RPH3A: variants seen among roughly 807,000 people sequenced by gnomAD.
RPH3A encodes rabphilin 3A.
A neutral mutation model predicts 102.2 loss-of-function variants in RPH3A; 48 were observed. That is an observed-to-expected ratio of 0.47 (90% confidence interval 0.37 to 0.60). RPH3A has a LOEUF of 0.60. Among genes scored for constraint, RPH3A ranks in the 20% least tolerant of loss-of-function variants. RPH3A has a pLI of 0.00. For missense variants in RPH3A, 781 were observed against 910.1 expected (o/e 0.86, Z 1.83); for synonymous variants, 310 against 324.3 (o/e 0.96, Z 0.47).
intron 1 of RPH3A, among the ~76,000 whole-genome samples, chr12:112,743,779 G>A (rs1189058523): frequency 2.0e-5 from 3 of 152,198 alleles, no homozygotes; most frequent in Non-Finnish European, 4.4e-5. Flanking sequence ...TGATGTTCCA[G>A]TAAGAGGAGG....
intron 1 of RPH3A, among the ~76,000 whole-genome samples, chr12:112,587,857 G>A (rs11614063): frequency 0.23 from 34,324 of 152,016 alleles, 5,318 homozygotes; most frequent in African/African-American, 0.42. Flanking sequence ...TAAGACAATG[G>A]ATATAATCAC....
At chr12:112,734,586 T>C (rs1163770417) in intron 1 of RPH3A, among the ~76,000 whole-genome samples, 1 of 152,188 alleles carries the variant, frequency 6.6e-6, no homozygotes, top group East Asian at 1.9e-4. Flanking sequence ...GAGTAAAGAA[T>C]GGCTACTCCA....
chr12:112,709,692 A>G (rs1351158667), intron 1 of RPH3A, among the ~76,000 whole-genome samples: 1 of 152,204 alleles, frequency 6.6e-6, no homozygotes, highest in African/African-American at 2.4e-5. Flanking sequence ...GGTCTGGGAC[A>G]TCTGAAAAAA....
intron 1 of RPH3A, among the ~76,000 whole-genome samples, chr12:112,772,800 T>C (rs889720165): frequency 1.3e-4 from 20 of 152,068 alleles, no homozygotes; most frequent in African/African-American, 4.8e-4. Context: ...GTACGTTCTT[T>C]AGTGGTGATT....
At chr12:112,770,190 C>T (rs1284842225) in intron 1 of RPH3A, among the ~76,000 whole-genome samples, 3 of 152,006 alleles carry the variant, frequency 2.0e-5, no homozygotes, top group African/African-American at 7.3e-5. Context: ...TCAGTTTTTC[C>T]CTATTACAGA....
At chr12:112,768,846 C>T (rs989713603) in intron 1 of RPH3A, among the ~76,000 whole-genome samples, 7 of 152,052 alleles carry the variant, frequency 4.6e-5, no homozygotes, top group African/African-American at 1.7e-4. Context: ...CAGGGATTTG[C>T]GGCTGCAGTG....
intron 1 of RPH3A, among the ~76,000 whole-genome samples, chr12:112,672,668 A>G (rs759907685): frequency 1.3e-5 from 2 of 152,180 alleles, no homozygotes; most frequent in Non-Finnish European, 2.9e-5. Flanking sequence ...TCCTGGGGGC[A>G]TGCTCACTTG....
intron 1 of RPH3A, among the ~76,000 whole-genome samples, chr12:112,778,687 C>T (rs2040985651): frequency 6.6e-6 from 1 of 152,108 alleles, no homozygotes. Context: ...TTTGCATAGG[C>T]GTCAACTTCA....
chr12:112,886,787 G>T (rs1391289016), intron 16 of RPH3A, among the ~76,000 whole-genome samples: 4 of 152,156 alleles, frequency 2.6e-5, no homozygotes, highest in African/African-American at 9.7e-5. Flanking sequence ...ATCTTTCTGG[G>T]CCCCAGTATC....
rs898337102 is a variant in RPH3A at position 112,836,662 on chromosome 12, C to T, written c.83+160C>T. Reference sequence around the variant, plus strand: ...GCTAAGTTAAAAAAAACACCCACACCCATCTTAGGAAAAAATATTTATAAA... The same window carrying T: ...GCTAAGTTAAAAAAAACACCCACACTCATCTTAGGAAAAAATATTTATAAA... On this transcript the variant is annotated intron_variant, in intron 4 of 21. Coordinates refer to ENST00000389385, the MANE Select transcript of RPH3A (RefSeq NM_001143854.2). Among the ~76,000 whole-genome samples, 11 of 151,704 alleles carry T rather than the reference C, an allele frequency of 7.3e-5. No individual in the cohort carries two copies. In the East Asian group the frequency reaches 1.9e-3, roughly 27 times the overall value.
upstream of RPH3A, among the ~76,000 whole-genome samples, chr12:112,790,196 A>G (rs1456976848): frequency 1.3e-5 from 2 of 151,812 alleles, no homozygotes; most frequent in South Asian, 2.1e-4. Context: ...AGCTGGGATT[A>G]CAGGTGCACA....
chr12:112,762,874 A>C (rs1016078586), intron 1 of RPH3A, among the ~76,000 whole-genome samples: 2 of 152,314 alleles, frequency 1.3e-5, no homozygotes, highest in Non-Finnish European at 2.9e-5. Context: ...TCATGTGCTC[A>C]TCCTCCATCC....
At chr12:112,891,954 T>C (rs1161820557) in intron 19 of RPH3A, among the ~76,000 whole-genome samples, 1 of 152,198 alleles carries the variant, frequency 6.6e-6, no homozygotes, top group African/African-American at 2.4e-5. Flanking sequence ...TCTAAGCAAG[T>C]TATTTAGCTT....
rs558656549 is a variant in RPH3A at position 112,877,923 on chromosome 12, G to A, written c.1171+1057G>A. The stretch of plus-strand genomic sequence containing the variant: ...CATTTGCCTATTTAATCTTCCCTAC[G>A]AACCTGGGCATAGTTGCTTTTATAA... On this transcript the variant is annotated intron_variant, in intron 13 of 21. Transcript: ENST00000389385. 5.3e-5 allele frequency among the ~76,000 whole-genome samples: 8 copies of A among 152,262 alleles called. No individual in the cohort carries two copies. The South Asian group carries it at 1.0e-3, about 20-fold the overall frequency.
At position 112,849,309 on chromosome 12, in the gene RPH3A, G is replaced by A. The variant is rs112721616; in HGVS notation, c.230+1467G>A. The stretch of plus-strand genomic sequence containing the variant: ...TCTGTCAGCCTCCTCGGGTGGTCAC[G>A]GAGGGGATAGGTCTGAGAGGCTTGC... On this transcript the variant is annotated intron_variant, in intron 5 of 21. Coordinates refer to ENST00000389385, the MANE Select transcript of RPH3A (RefSeq NM_001143854.2). Among the ~76,000 whole-genome samples the A allele has an allele frequency of 4.3e-3, 655 of 152,236 alleles. 4 individuals carry two copies. Among genetic ancestry groups the A allele is most frequent in the African/African-American group, 0.015 (629 of 41,544 alleles).
intron 2 of RPH3A, among the ~76,000 whole-genome samples, chr12:112,816,445 C>G (rs2041672682): frequency 6.6e-6 from 1 of 152,188 alleles, no homozygotes; most frequent in Non-Finnish European, 1.5e-5. Flanking sequence ...CAGGGGATGT[C>G]TTCAGAGCTG....
At chr12:112,610,890 C>A (rs559578695) in intron 1 of RPH3A, among the ~76,000 whole-genome samples, 31 of 152,298 alleles carry the variant, frequency 2.0e-4, no homozygotes, top group African/African-American at 7.5e-4. Flanking sequence ...CCCACCTTGG[C>A]CTCCCAAACT....
chr12:112,763,851 G>T (rs1176168472), intron 1 of RPH3A, among the ~76,000 whole-genome samples: 1 of 152,142 alleles, frequency 6.6e-6, no homozygotes, highest in African/African-American at 2.4e-5. Flanking sequence ...GGTGGTTGAG[G>T]GGCTTCGGAT....
chr12:112,756,295 C>T (rs2040822938), intron 1 of RPH3A, among the ~76,000 whole-genome samples: 1 of 152,168 alleles, frequency 6.6e-6, no homozygotes, highest in South Asian at 2.1e-4. Flanking sequence ...TCACCACAAC[C>T]TCCGCCTCCC....
Sources: allele counts gnomAD v4.1 joint callset (sites outside exome capture counted in the v4.1 genomes callset), GRCh38; gene constraint gnomAD v4.1.1; transcripts MANE v1.5; gene names NCBI Gene and HGNC (gene_info 2026-07-23, HGNC 2026-07-21).